The following PRKCE variants were observed in gnomAD, a reference collection of about 807,000 sequenced individuals.
PRKCE encodes protein kinase C epsilon, also known as protein kinase C epsilon type.
In PRKCE, 16 loss-of-function variants were observed where a neutral mutation model predicts 85.4. The ratio of observed to expected loss-of-function variants is 0.19; its 90% CI spans 0.13 to 0.28. The LOEUF is 0.28. Among genes scored for constraint, PRKCE ranks in the 10% least tolerant of loss-of-function variants. The pLI is 1.00. For missense variants in PRKCE, 573 were observed against 975.2 expected (o/e 0.59, Z 5.49); for synonymous variants, 388 against 371.5 (o/e 1.04, Z -0.51).
chr2:45,836,937 G>A (rs1002473201), intron 1 of PRKCE, among the ~76,000 whole-genome samples: 1 of 152,190 alleles, frequency 6.6e-6, no homozygotes, highest in Non-Finnish European at 1.5e-5. Context: ...AGTGAAACTC[G>A]AATTGGGCCT....
intron 10 of PRKCE, among the ~76,000 whole-genome samples, chr2:46,079,255 G>A (rs1211411832): frequency 6.6e-6 from 1 of 151,978 alleles, no homozygotes; most frequent in Non-Finnish European, 1.5e-5. Flanking sequence ...GATAAAGCCT[G>A]GATGAGCGAT....
At chr2:46,009,152 T>C (rs984745780) in intron 9 of PRKCE, among the ~76,000 whole-genome samples, 2 of 152,216 alleles carry the variant, frequency 1.3e-5, no homozygotes, top group African/African-American at 4.8e-5. Flanking sequence ...ATTAGCTCTC[T>C]TGAAAAGGAA....
chr2:45,950,180 G>A (rs1313733752), intron 2 of PRKCE, among the ~76,000 whole-genome samples: 3 of 152,098 alleles, frequency 2.0e-5, no homozygotes, highest in Non-Finnish European at 4.4e-5. Context: ...TAACAAAATA[G>A]TTTTCTGCAA....
intron 6 of PRKCE, among the ~76,000 whole-genome samples, chr2:45,996,161 C>T (rs1003043828): frequency 1.3e-5 from 2 of 151,856 alleles, no homozygotes; most frequent in Non-Finnish European, 2.9e-5. Context: ...TCCATTTGTT[C>T]ATTGCTGGTG....
Position 45,888,927 on chromosome 2 carries a change from C to G in PRKCE, c.412+45864C>G, listed in dbSNP as rs933541777. 1.1e-4 allele frequency among the ~76,000 whole-genome samples: 17 copies of G among 152,156 alleles called. 1 individual carries two copies. Among genetic ancestry groups the G allele is most frequent in the African/African-American group, 3.6e-4 (15 of 41,424 alleles). ...TCAAGGAGAATCAAAAGTGGGGAGA[C>G]CTTGACCAGCAAAACCAGCCCGTGT... is the stretch of plus-strand genomic sequence containing the variant. On this transcript the variant is annotated intron_variant, in intron 2 of 14. Coordinates refer to ENST00000306156, the MANE Select transcript of PRKCE (RefSeq NM_005400.3).
At chr2:45,795,355 C>T (rs1248343757) in intron 1 of PRKCE, among the ~76,000 whole-genome samples, 8 of 152,204 alleles carry the variant, frequency 5.3e-5, no homozygotes, top group African/African-American at 1.7e-4. Context: ...GTCACCCAGG[C>T]TGGAGTGCAG....
chr2:46,047,419 A>G (rs1340288603), intron 10 of PRKCE, among the ~76,000 whole-genome samples: 2 of 152,218 alleles, frequency 1.3e-5, no homozygotes, highest in Non-Finnish European at 2.9e-5. Flanking sequence ...AGAGACAGAA[A>G]AAACACATCG....
intron 10 of PRKCE, among the ~76,000 whole-genome samples, chr2:46,083,856 A>G (rs1669333894): frequency 6.6e-6 from 1 of 152,236 alleles, no homozygotes; most frequent in African/African-American, 2.4e-5. Context: ...GGAGACCAGA[A>G]TAATGTATAA....
intron 1 of PRKCE, among the ~76,000 whole-genome samples, chr2:45,817,001 A>G (rs1050342845): frequency 1.3e-5 from 2 of 152,160 alleles, no homozygotes; most frequent in African/African-American, 4.8e-5. Context: ...CCACAGAGAC[A>G]CAGAACATTG....
At chr2:45,875,535 C>A (rs1299459454) in intron 2 of PRKCE, among the ~76,000 whole-genome samples, 1 of 152,182 alleles carries the variant, frequency 6.6e-6, no homozygotes, top group East Asian at 1.9e-4. Context: ...TGTATCAAGC[C>A]CTCTGGGCAC....
chr2:45,888,465 C>A (rs200425604), intron 2 of PRKCE, among the ~76,000 whole-genome samples: 1 of 74,750 alleles, frequency 1.3e-5, no homozygotes, highest in Non-Finnish European at 2.4e-5. Context: ...TCCCAACAGT[C>A]TTTTTTTTTT....
chr2:45,940,186 A>G (rs1699775477), intron 2 of PRKCE, among the ~76,000 whole-genome samples: 1 of 152,174 alleles, frequency 6.6e-6, no homozygotes, highest in Admixed American at 6.5e-5. Flanking sequence ...CATTTGCTTC[A>G]GGTAATCTGG....
intron 11 of PRKCE, among the ~76,000 whole-genome samples, chr2:46,136,636 G>T (rs2104439834): frequency 6.6e-6 from 1 of 152,274 alleles, no homozygotes; most frequent in East Asian, 1.9e-4. Context: ...TACTGTCTGT[G>T]ATAGCACACA....
At chr2:46,074,591 A>T (rs1668386684) in intron 10 of PRKCE, among the ~76,000 whole-genome samples, 1 of 152,194 alleles carries the variant, frequency 6.6e-6, no homozygotes, top group Non-Finnish European at 1.5e-5. Flanking sequence ...CCTGGAAATC[A>T]GAACTCCAGC....
rs1256415029 is a variant in PRKCE at position 46,138,754 on chromosome 2, T to G, written c.1593-6339T>G. 5.3e-5 allele frequency among the ~76,000 whole-genome samples: 8 copies of G among 152,186 alleles called. No individual in the cohort carries two copies. The highest frequency in any genetic ancestry group is 1.7e-4 in the African/African-American group (7 of 41,448). On this transcript the variant is annotated intron_variant, in intron 11 of 14. Coordinates refer to ENST00000306156, the MANE Select transcript of PRKCE (RefSeq NM_005400.3). The surrounding 1 kb of genome is among the most constrained non-coding windows in gnomAD (Gnocchi z 4.2). ...TACTAATAGCACCTAATGCATCTAA[T>G]GCATAACATCTCATAGCATCTAATG...
intron 1 of PRKCE, among the ~76,000 whole-genome samples, chr2:45,718,091 C>T (rs1680294905): frequency 6.6e-6 from 1 of 152,174 alleles, no homozygotes; most frequent in South Asian, 2.1e-4. Flanking sequence ...GCACTATTGA[C>T]ATTTGGGCCG....
intron 2 of PRKCE, among the ~76,000 whole-genome samples, chr2:45,920,907 G>A (rs1238832807): frequency 6.6e-6 from 1 of 152,178 alleles, no homozygotes; most frequent in Non-Finnish European, 1.5e-5. Flanking sequence ...TGTTTTTAAA[G>A]AAAGTCAACC....
chr2:45,814,557 C>G (rs1688886887), intron 1 of PRKCE, among the ~76,000 whole-genome samples: 2 of 152,156 alleles, frequency 1.3e-5, no homozygotes, highest in Admixed American at 1.3e-4. Flanking sequence ...AACTCATGGA[C>G]AAAATATGTA....
At position 46,159,804 on chromosome 2, in the gene PRKCE, G is replaced by A; in HGVS notation, c.2067+52G>A. ...CACCATGGGTCGGGCCCAGGTACTT[G>A]CAGGACAGGCTGCGTGCACCCAGGA... On this transcript the variant is annotated intron_variant, in intron 14 of 14. Transcript: ENST00000306156. This position sits in a 1 kb window ranked among gnomAD's most constrained non-coding sequence, Gnocchi z 4.1. 1 of 1,591,062 alleles carries A rather than the reference G, an allele frequency of 6.3e-7. No individual in the cohort carries two copies. The highest frequency in any genetic ancestry group is 8.5e-7 in the Non-Finnish European group (1 of 1,176,608).
Sources: gnomAD v4.1 joint callset for allele counts (sites outside exome capture counted in the v4.1 genomes callset) on GRCh38, gnomAD v4.1.1 for gene constraint, Gnocchi (gnomAD v3.1) non-coding constraint, MANE v1.5 for transcripts, NCBI Gene and HGNC (gene_info 2026-07-23, HGNC 2026-07-21) for gene names.